PDE4D: variants seen among roughly 807,000 people sequenced by gnomAD.
PDE4D encodes the protein 3',5'-cyclic-AMP phosphodiesterase 4D.
A neutral mutation model predicts 87.4 loss-of-function variants in PDE4D; 24 were observed. That is an observed-to-expected ratio of 0.27 (90% confidence interval 0.20 to 0.39). The LOEUF is 0.39. Ranked by LOEUF, PDE4D falls within the 10% of genes least tolerant of loss-of-function variation. The pLI is 1.00. For missense variants in PDE4D, 714 were observed against 1,041.0 expected (o/e 0.69, Z 4.32); for synonymous variants, 384 against 383.2 (o/e 1.00, Z -0.02).
intron 2 of PDE4D, among the ~76,000 whole-genome samples, chr5:60,142,582 A>C (rs890710653): frequency 6.6e-6 from 1 of 152,214 alleles, no homozygotes; most frequent in African/African-American, 2.4e-5. Flanking sequence ...AGCATGAGCC[A>C]GGGTTCTGAC....
chr5:59,727,282 G>C (rs1034356703), intron 1 of PDE4D, among the ~76,000 whole-genome samples: 1 of 152,030 alleles, frequency 6.6e-6, no homozygotes, highest in Admixed American at 6.6e-5. Context: ...CATAATTTTT[G>C]AGTCTCAGCT....
intron 1 of PDE4D, among the ~76,000 whole-genome samples, chr5:59,870,808 T>C (rs1477355385): frequency 6.6e-6 from 1 of 152,052 alleles, no homozygotes; most frequent in Non-Finnish European, 1.5e-5. Context: ...CTACGAAAGG[T>C]GAAGCCAGGA....
chr5:59,464,362 C>T (rs1196253518), intron 1 of PDE4D, among the ~76,000 whole-genome samples: 3 of 152,200 alleles, frequency 2.0e-5, no homozygotes, highest in East Asian at 3.9e-4. Flanking sequence ...AGGGAAAAAC[C>T]GCCTTAAGGC....
At chr5:60,473,124 A>AAGGAAGG (rs1747961639) in intron 1 of PDE4D, among the ~76,000 whole-genome samples, 2 of 81,396 alleles carry the variant, frequency 2.5e-5, no homozygotes, top group African/African-American at 5.6e-5. Flanking sequence ...AGAGAGAAAG[A>AAGGAAGG]AAGGAAGGAA....
intron 2 of PDE4D, among the ~76,000 whole-genome samples, chr5:60,131,720 G>T (rs1779599091): frequency 6.6e-6 from 1 of 152,184 alleles, no homozygotes; most frequent in South Asian, 2.1e-4. Flanking sequence ...GGCTGACTAG[G>T]CAGAATAGTA....
chr5:59,761,403 T>G (rs962547224), intron 1 of PDE4D, among the ~76,000 whole-genome samples: 31 of 152,168 alleles, frequency 2.0e-4, no homozygotes, highest in Admixed American at 6.5e-5. Context: ...TTTTGGTTAC[T>G]GTAACTTTTT....
At chr5:60,410,907 T>C (rs1741992407) in intron 1 of PDE4D, among the ~76,000 whole-genome samples, 1 of 152,230 alleles carries the variant, frequency 6.6e-6, no homozygotes, top group African/African-American at 2.4e-5. Context: ...TTCTTACTGC[T>C]TCTAACAGGA....
At chr5:60,508,526 A>T (rs1750421801) in intron 1 of PDE4D, among the ~76,000 whole-genome samples, 2 of 152,242 alleles carry the variant, frequency 1.3e-5, no homozygotes, top group African/African-American at 4.8e-5. Context: ...GGTTGACTAT[A>T]ATTCTACAAA....
At chr5:59,044,936 C>A (rs1173408067) in intron 5 of PDE4D, among the ~76,000 whole-genome samples, 1 of 152,150 alleles carries the variant, frequency 6.6e-6, no homozygotes, top group Non-Finnish European at 1.5e-5. Context: ...CTTTCATTGA[C>A]TTTTAGTCCC....
chr5:59,202,589 G>A (rs915311581), intron 2 of PDE4D, among the ~76,000 whole-genome samples: 1 of 151,446 alleles, frequency 6.6e-6, no homozygotes, highest in African/African-American at 2.4e-5. Context: ...TTTTAACTCC[G>A]ACAACTTCCA....
intron 6 of PDE4D, among the ~76,000 whole-genome samples, chr5:59,000,741 T>G (rs186968028): frequency 1.5e-3 from 226 of 152,282 alleles, no homozygotes; most frequent in African/African-American, 5.2e-3. Flanking sequence ...CAGGCTAGAG[T>G]GCAGTAGTGC....
intron 1 of PDE4D, among the ~76,000 whole-genome samples, chr5:60,335,814 G>C (rs1757707950): frequency 6.6e-6 from 1 of 152,150 alleles, no homozygotes; most frequent in Admixed American, 6.5e-5. Flanking sequence ...AGTCAAGAAG[G>C]GGGTTCAGAG....
intron 2 of PDE4D, among the ~76,000 whole-genome samples, chr5:60,103,808 A>G (rs555438088): frequency 2.0e-5 from 3 of 152,336 alleles, no homozygotes; most frequent in Admixed American, 6.5e-5. Flanking sequence ...ATTTACTTAC[A>G]TCTAGCATTA....
intron 1 of PDE4D, among the ~76,000 whole-genome samples, chr5:59,538,012 C>T (rs906052723): frequency 1.3e-5 from 2 of 152,174 alleles, no homozygotes; most frequent in Non-Finnish European, 2.9e-5. Context: ...GTTAGACCAT[C>T]CCTGTTGTGT....
chr5:59,722,498 T>TC (rs1755988046), intron 1 of PDE4D, among the ~76,000 whole-genome samples: 1 of 151,892 alleles, frequency 6.6e-6, no homozygotes, highest in Non-Finnish European at 1.5e-5. Flanking sequence ...GTAGTTTTTT[T>TC]CCCAACTTCT....
chr5:59,520,484 G>T (rs994938421), intron 1 of PDE4D, among the ~76,000 whole-genome samples: 3 of 152,096 alleles, frequency 2.0e-5, no homozygotes, highest in African/African-American at 7.2e-5. Context: ...GTAGGTATTT[G>T]GGGCAAGAAG....
chr5:59,057,983 TTTAAG>T (rs2153409281), intron 5 of PDE4D, among the ~76,000 whole-genome samples: 1 of 152,310 alleles, frequency 6.6e-6, no homozygotes, highest in East Asian at 1.9e-4. Flanking sequence ...AAGTTAACTC[TTTAAG>T]TTATTAAATC....
chr5:59,125,217 T>C, intron 5 of PDE4D: 1 of 921,856 alleles, frequency 1.1e-6, no homozygotes, highest in African/African-American at 1.8e-5. Context: ...GTGTCCATAA[T>C]CAAATTTACT....
chr5:60,266,182 T>C (rs1750188485), intron 1 of PDE4D, among the ~76,000 whole-genome samples: 1 of 152,072 alleles, frequency 6.6e-6, no homozygotes, highest in African/African-American at 2.4e-5. Flanking sequence ...CACAATCTTA[T>C]CATCAGTAAA....
Sources: gnomAD v4.1 joint callset for allele counts (sites outside exome capture counted in the v4.1 genomes callset) on GRCh38, gnomAD v4.1.1 for gene constraint, MANE v1.5 for transcripts, NCBI Gene and HGNC (gene_info 2026-07-23, HGNC 2026-07-21) for gene names.